Variants in RNF24 observed in about 807,000 individuals in gnomAD.
RNF24 encodes ring finger protein 24.
Under a neutral mutation model 20.0 loss-of-function variants are expected in RNF24, and 14 were observed. The ratio of observed to expected loss-of-function variants is 0.70; its 90% CI spans 0.46 to 1.10. RNF24 has a LOEUF of 1.10. Ranked by LOEUF, RNF24 falls within the 50% of genes least tolerant of loss-of-function variation. RNF24 has a pLI of 0.00. For missense variants in RNF24, 124 were observed against 177.6 expected (o/e 0.70, Z 1.71); for synonymous variants, 45 against 61.1 (o/e 0.74, Z 1.23).
chr20:3,972,029 A>C (rs144713828), intron 1 of RNF24, among the ~76,000 whole-genome samples: 1,547 of 152,280 alleles, frequency 0.01, 17 homozygotes, highest in African/African-American at 0.035. Context: ...GATTTCACAG[A>C]AAATAAAATT....
chr20:3,966,006 C>G (rs1431753191), intron 1 of RNF24, among the ~76,000 whole-genome samples: 1 of 151,834 alleles, frequency 6.6e-6, no homozygotes, highest in Non-Finnish European at 1.5e-5. Context: ...TGGTGGCACA[C>G]ACTTGTAATC....
At chr20:3,972,858 G>A (rs182163689) in intron 1 of RNF24, among the ~76,000 whole-genome samples, 50 of 151,940 alleles carry the variant, frequency 3.3e-4, no homozygotes, top group African/African-American at 1.1e-3. Flanking sequence ...AGCCGAGATC[G>A]CGCCACTGCA....
intron 1 of RNF24, among the ~76,000 whole-genome samples, chr20:3,994,203 T>C (rs1600705424): frequency 6.6e-6 from 1 of 152,192 alleles, no homozygotes; most frequent in African/African-American, 2.4e-5. Context: ...GCTAGGTCTA[T>C]GAGATAATCA....
chr20:4,000,026 G>A (rs529604106), intron 1 of RNF24, among the ~76,000 whole-genome samples: 114 of 152,188 alleles, frequency 7.5e-4, no homozygotes, highest in African/African-American at 2.7e-3. Flanking sequence ...GGAGAATGAG[G>A]GGACTGAGGA....
chr20:3,962,646 TTTACTC>T (rs1396953693), intron 2 of RNF24, among the ~76,000 whole-genome samples: 1 of 151,948 alleles, frequency 6.6e-6, no homozygotes, highest in Non-Finnish European at 1.5e-5. Context: ...TGCTAAACTT[TTTACTC>T]TTAATTACAT....
intron 1 of RNF24, among the ~76,000 whole-genome samples, chr20:3,975,864 AC>A (rs1436943608): frequency 6.6e-6 from 1 of 151,654 alleles, no homozygotes; most frequent in Non-Finnish European, 1.5e-5. Flanking sequence ...AGAAGGAACA[AC>A]CTTGCTATTT....
At chr20:4,006,538 C>T (rs909799091) in intron 1 of RNF24, among the ~76,000 whole-genome samples, 4 of 152,112 alleles carry the variant, frequency 2.6e-5, no homozygotes, top group African/African-American at 9.7e-5. Context: ...AAGCAGGTAA[C>T]CTGGAAGTTA....
intron 4 of RNF24, among the ~76,000 whole-genome samples, chr20:3,942,009 G>C (rs539488661): frequency 6.6e-6 from 1 of 151,202 alleles, no homozygotes; most frequent in African/African-American, 2.4e-5. Flanking sequence ...AGGAGGCGGA[G>C]GTTGCAGTGA....
chr20:3,988,011 T>A lies in RNF24; in HGVS notation c.-7-23987A>T, dbSNP rs879490734. Among the ~76,000 whole-genome samples the A allele has an allele frequency of 3.6e-3, 536 of 148,412 alleles. 2 individuals carry two copies. Among genetic ancestry groups the A allele is most frequent in the African/African-American group, 0.013 (520 of 40,506 alleles). On this transcript the variant is annotated intron_variant, in intron 1 of 5. Coordinates refer to ENST00000358395, the MANE Select transcript of RNF24 (RefSeq NM_001134337.3). ...CTTCAGCAGCAGCAGCAGCTTAAAA[T>A]AAAAAAAAAAAATTTTTTTTGGTAT...
chr20:3,934,069 A>G lies in RNF24; in HGVS notation c.441T>C (p.Ile147=). Residue 147 remains isoleucine, a synonymous_variant, in exon 6 of 6, where the codon ATT becomes ATC. Coordinates refer to ENST00000358395, the MANE Select transcript of RNF24 (RefSeq NM_001134337.3). This position sits in a 1 kb window ranked among gnomAD's most constrained non-coding sequence, Gnocchi z 4.0. ...GTCTGATCCTTGCGGTAAGCTATAC[A>G]ATGTTCTCTGCCCCAGGAAGGGGCC... ...PQGPLPGAEN[I]V is the part of the protein sequence containing the mutation. 1 of 1,496,008 alleles carries G rather than the reference A, an allele frequency of 6.7e-7. No individual in the cohort carries two copies. Among genetic ancestry groups the G allele is most frequent in the African/African-American group, 1.4e-5 (1 of 69,178 alleles). 92.7% of individuals were successfully genotyped at this position (1,496,008 alleles called of 1,614,324 possible).
chr20:3,975,508 G>A (rs191934715), intron 1 of RNF24, among the ~76,000 whole-genome samples: 1 of 152,242 alleles, frequency 6.6e-6, no homozygotes, highest in African/African-American at 2.4e-5. Context: ...CCGTATGCCT[G>A]ATAAAGGGCT....
At chr20:3,966,133 CAAAAAAAAAAAAAAA>C (rs574975352) in intron 1 of RNF24, among the ~76,000 whole-genome samples, 3 of 81,468 alleles carry the variant, frequency 3.7e-5, no homozygotes, top group Admixed American at 1.6e-4. Flanking sequence ...GATTCCATCT[CAAAAAAAAAAAAAAA>C]AAAAAAAAAA....
chr20:3,972,931 G>A (rs1250644150), intron 1 of RNF24, among the ~76,000 whole-genome samples: 1 of 151,538 alleles, frequency 6.6e-6, no homozygotes, highest in African/African-American at 2.4e-5. Context: ...GGCTGGACGG[G>A]ATGGCTCACG....
At chr20:3,978,603 A>T (rs1202221634) in intron 1 of RNF24, among the ~76,000 whole-genome samples, 1 of 152,106 alleles carries the variant, frequency 6.6e-6, no homozygotes, top group East Asian at 1.9e-4. Flanking sequence ...TGATTCTAAG[A>T]TATTTTTAAA....
At chr20:3,963,218 A>T (rs933166875) in intron 2 of RNF24, among the ~76,000 whole-genome samples, 3 of 151,770 alleles carry the variant, frequency 2.0e-5, no homozygotes, top group Non-Finnish European at 4.4e-5. Flanking sequence ...TTTGAGACAG[A>T]GTCTCGCTCT....
intron 3 of RNF24, among the ~76,000 whole-genome samples, chr20:3,945,959 T>A (rs1000026891): frequency 1.3e-5 from 2 of 152,196 alleles, no homozygotes; most frequent in Non-Finnish European, 2.9e-5. Flanking sequence ...AAAATGGATT[T>A]GAGGGTAAAT....
chr20:3,998,392 T>A (rs1435963831), intron 1 of RNF24, among the ~76,000 whole-genome samples: 1 of 151,618 alleles, frequency 6.6e-6, no homozygotes, highest in Non-Finnish European at 1.5e-5. Context: ...CTGACCAGTA[T>A]GGTGAAACCC....
chr20:3,959,633 T>A (rs2091179970), intron 2 of RNF24, among the ~76,000 whole-genome samples: 1 of 152,236 alleles, frequency 6.6e-6, no homozygotes, highest in Non-Finnish European at 1.5e-5. Context: ...TATGTTGTCA[T>A]ATGTGGCTCT....
chr20:4,001,507 A>C (rs1981386244), intron 1 of RNF24, among the ~76,000 whole-genome samples: 1 of 152,214 alleles, frequency 6.6e-6, no homozygotes, highest in Admixed American at 6.5e-5. Context: ...ATAGTTATTG[A>C]TATGAATAAA....
Sources: gnomAD v4.1 joint callset for allele counts (sites outside exome capture counted in the v4.1 genomes callset) on GRCh38, gnomAD v4.1.1 for gene constraint, Gnocchi (gnomAD v3.1) non-coding constraint, MANE v1.5 for transcripts, NCBI Gene and HGNC (gene_info 2026-07-23, HGNC 2026-07-21) for gene names.